The following ATP8A2 variants were observed in gnomAD, a reference collection of about 807,000 sequenced individuals.
ATP8A2 encodes the protein phospholipid-transporting ATPase IB.
In ATP8A2, 100 loss-of-function variants were observed where a neutral mutation model predicts 165.6. The observed-to-expected ratio is 0.60, with a 90% CI of 0.51 to 0.71. The LOEUF (loss-of-function observed/expected upper bound fraction) is 0.71, where lower values mean the gene tolerates loss of function less well. Among genes scored for constraint, ATP8A2 ranks in the 30% least tolerant of loss-of-function variants. ATP8A2 has a pLI of 0.00. For synonymous variants in ATP8A2, 543 were observed against 548.8 expected (o/e 0.99, Z 0.15); for missense variants, 1,227 against 1,479.5 (o/e 0.83, Z 2.80).
At chr13:25,874,077 C>G (rs138574728) in intron 33 of ATP8A2, among the ~76,000 whole-genome samples, 5 of 152,328 alleles carry the variant, frequency 3.3e-5, no homozygotes, top group Non-Finnish European at 7.3e-5. Flanking sequence ...ATTCCTCTAC[C>G]GGAGCCAGAG....
In ATP8A2 at chr13:26,012,548, G is replaced by T. The variant is rs964854316; in HGVS notation, c.3395G>T (p.Arg1132Leu). 7.1e-6 allele frequency: 11 copies of T among 1,540,332 alleles called. No homozygotes were observed. The highest frequency in any genetic ancestry group is 2.8e-5 in the African/African-American group (2 of 72,062). ...SNGKRLNERD[R>L]LIKRLGRKTP... Reference sequence around the variant, plus strand: ...ATCCGCAGGCTGAACGAGCGCGACCGCCTGATCAAGAGGCTGGGCCGGAAG... The same window carrying T: ...ATCCGCAGGCTGAACGAGCGCGACCTCCTGATCAAGAGGCTGGGCCGGAAG... Residue 1132 changes from arginine to leucine, a missense_variant, in exon 36 of 37, where the codon CGC becomes CTC. This residue lies in a region of ATP8A2 where 260 missense variants were observed against 245.1 expected (regional missense o/e 1.06). Transcript: ENST00000381655.
chr13:25,531,203 G>GTT lies in ATP8A2; in HGVS notation c.420+543_420+544insTT, dbSNP rs1188511640. The stretch of plus-strand genomic sequence containing the variant: ...TATATATGTTATATATGTTATATAT[G>GTT]ATATATGTTATATATGATATATGTT... On this transcript the variant is annotated intron_variant, in intron 4 of 36. Coordinates refer to ENST00000381655, the MANE Select transcript of ATP8A2 (RefSeq NM_016529.6). Among the ~76,000 whole-genome samples, 373 of 122,908 alleles carry GTT rather than the reference G, an allele frequency of 3.0e-3. 5 individuals are homozygous for GTT. The highest frequency in any genetic ancestry group is 0.011 in the African/African-American group (329 of 30,172). The allele number at this position is 122,908 out of a possible 152,430, so 80.6% of individuals were successfully genotyped here.
intron 35 of ATP8A2, among the ~76,000 whole-genome samples, chr13:25,990,500 A>G (rs1956369516): frequency 6.6e-6 from 1 of 152,124 alleles, no homozygotes; most frequent in African/African-American, 2.4e-5. Flanking sequence ...GCCAAGGGAA[A>G]GCATATGCAA....
chr13:25,835,311 T>C (rs1165696613), intron 28 of ATP8A2, among the ~76,000 whole-genome samples: 1 of 152,096 alleles, frequency 6.6e-6, no homozygotes, highest in Non-Finnish European at 1.5e-5. Context: ...CCTGTGGATT[T>C]CTCCTTGAAG....
intron 27 of ATP8A2, among the ~76,000 whole-genome samples, chr13:25,785,593 C>G (rs1032978728): frequency 1.3e-5 from 2 of 152,034 alleles, no homozygotes; most frequent in African/African-American, 2.4e-5. Context: ...TTGTCTAAAA[C>G]TTTTGAAATC....
intron 25 of ATP8A2, among the ~76,000 whole-genome samples, chr13:25,713,675 C>T (rs2043197957): frequency 1.3e-5 from 2 of 152,194 alleles, no homozygotes; most frequent in South Asian, 4.1e-4. Flanking sequence ...ATGCAGGTCA[C>T]TTCGTGTTCT....
chr13:25,869,680 G>C (rs1285737456), intron 33 of ATP8A2, among the ~76,000 whole-genome samples: 1 of 152,200 alleles, frequency 6.6e-6, no homozygotes, highest in Non-Finnish European at 1.5e-5. Flanking sequence ...ATTGAGATGA[G>C]AAAAGTTCTC....
At chr13:25,556,284 T>G (rs1161242760) in intron 13 of ATP8A2, among the ~76,000 whole-genome samples, 1 of 152,230 alleles carries the variant, frequency 6.6e-6, no homozygotes, top group Non-Finnish European at 1.5e-5. Flanking sequence ...CTGTTGTTTT[T>G]TGACTTTTTA....
intron 33 of ATP8A2, among the ~76,000 whole-genome samples, chr13:25,866,190 C>A (rs1420916661): frequency 1.3e-5 from 2 of 152,156 alleles, no homozygotes; most frequent in Non-Finnish European, 2.9e-5. Context: ...TCTTACTTGA[C>A]CTCTGTTCAA....
intron 25 of ATP8A2, among the ~76,000 whole-genome samples, chr13:25,730,561 C>G (rs2043598441): frequency 6.6e-6 from 1 of 152,164 alleles, no homozygotes; most frequent in African/African-American, 2.4e-5. Flanking sequence ...CTGTCACACT[C>G]ACAAGTAGTA....
intron 5 of ATP8A2, 71 bp from the exon 6 acceptor site, chr13:25,533,202 C>G (rs1473398689): frequency 3.7e-6 from 3 of 821,120 alleles, no homozygotes; most frequent in Non-Finnish European, 6.0e-6. Context: ...TAAAAGAAAG[C>G]TTTTGGATTT....
At chr13:25,927,229 C>G (rs983510731) in intron 33 of ATP8A2, 2 of 456,624 alleles carry the variant, frequency 4.4e-6, no homozygotes, top group Non-Finnish European at 8.8e-6. Context: ...GCTCCACACA[C>G]TGGAAACTGC....
chr13:25,488,949 A>G (rs987464588), intron 2 of ATP8A2, among the ~76,000 whole-genome samples: 3 of 141,608 alleles, frequency 2.1e-5, no homozygotes, highest in East Asian at 2.1e-4. Flanking sequence ...CTAGGTTGGG[A>G]TACACCAGGA....
At chr13:25,473,753 T>G (rs2035913508) in intron 2 of ATP8A2, among the ~76,000 whole-genome samples, 1 of 152,232 alleles carries the variant, frequency 6.6e-6, no homozygotes, top group South Asian at 2.1e-4. Context: ...ACATTTTGTA[T>G]AAATAGCCTC....
intron 1 of ATP8A2, among the ~76,000 whole-genome samples, chr13:25,422,944 A>T (rs9553610): frequency 0.44 from 67,276 of 152,028 alleles, 15,948 homozygotes; most frequent in East Asian, 0.59. Flanking sequence ...TTTTGGTAAT[A>T]GTTTTTGTTA....
intron 1 of ATP8A2, among the ~76,000 whole-genome samples, chr13:25,411,768 C>T (rs1024207325): frequency 2.0e-5 from 3 of 152,180 alleles, no homozygotes; most frequent in African/African-American, 4.8e-5. Context: ...AGGCAGCACA[C>T]ATAACTGTGA....
chr13:25,609,169 A>G (rs1277537292), intron 24 of ATP8A2, among the ~76,000 whole-genome samples: 1 of 152,228 alleles, frequency 6.6e-6, no homozygotes, highest in East Asian at 1.9e-4. Context: ...AGATTCTTCA[A>G]AAAAACTAAT....
At chr13:25,827,342 C>G (rs967002353) in intron 27 of ATP8A2, among the ~76,000 whole-genome samples, 8 of 152,134 alleles carry the variant, frequency 5.3e-5, no homozygotes, top group Non-Finnish European at 1.2e-4. Flanking sequence ...AAACTCCTGT[C>G]CTCAGGTGAT....
At chr13:25,663,610 A>T (rs183563133) in intron 24 of ATP8A2, among the ~76,000 whole-genome samples, 7 of 152,260 alleles carry the variant, frequency 4.6e-5, no homozygotes, top group African/African-American at 1.7e-4. Flanking sequence ...CAGACCAGCT[A>T]CTTTTTCTGA....
Sources: allele counts gnomAD v4.1 joint callset (sites outside exome capture counted in the v4.1 genomes callset), GRCh38; gene constraint gnomAD v4.1.1; regional missense constraint gnomAD v4.1.1; transcripts MANE v1.5; gene names NCBI Gene and HGNC (gene_info 2026-07-23, HGNC 2026-07-21).